Variants in TMC1 observed in about 807,000 individuals in gnomAD.
TMC1 encodes transmembrane channel-like protein 1.
TMC1 carries 84 observed loss-of-function variants against 105.8 expected under a neutral mutation model. The observed-to-expected ratio is 0.79, with a 90% CI of 0.67 to 0.95. TMC1 has a LOEUF of 0.95. Among genes scored for constraint, TMC1 ranks in the 40% least tolerant of loss-of-function variants. The pLI, the probability that TMC1 is intolerant of heterozygous loss-of-function variation, is 0.00. For synonymous variants in TMC1, 315 were observed against 311.5 expected, an observed-to-expected ratio of 1.01 and a Z score of -0.12; for missense variants, 817 against 914.1, an observed-to-expected ratio of 0.89 and a Z score of 1.37.
chr9:72,536,564 C>T (rs1485019196), intron 1 of TMC1, among the ~76,000 whole-genome samples: 3 of 152,172 alleles, frequency 2.0e-5, no homozygotes, highest in African/African-American at 7.2e-5. Flanking sequence ...GATCTCCTGA[C>T]CTCGTGATCC....
At chr9:72,827,109 C>T in intron 21 of TMC1, 115 bp downstream of exon 21, 1 of 1,340,560 alleles carries the variant, frequency 7.5e-7, no homozygotes, top group Non-Finnish European at 1.1e-6. Context: ...GTAACCTATC[C>T]AAATTCAACA....
At chr9:72,595,833 C>T (rs961332440) in intron 2 of TMC1, among the ~76,000 whole-genome samples, 10 of 149,704 alleles carry the variant, frequency 6.7e-5, no homozygotes, top group South Asian at 6.3e-4. Context: ...TGCACCACCA[C>T]GCTGGCTAAT....
At position 72,577,890 on chromosome 9, in the gene TMC1, AT is replaced by A. The variant is rs1283887432; in HGVS notation, c.-427-9del. The A allele has an allele frequency of 6.6e-6, 1 of 151,838 alleles. No homozygotes were observed. Among genetic ancestry groups the A allele is most frequent in the Non-Finnish European group, 1.5e-5 (1 of 67,954 alleles). 9.4% of individuals were successfully genotyped at this position (151,838 alleles called of 1,614,324 possible). A position where few individuals can be genotyped will look rare whatever the true frequency, so the allele number is the denominator to read the frequency against. On this transcript the variant is annotated splice_polypyrimidine_tract_variant and intron_variant, in intron 1 of 23. Coordinates refer to ENST00000297784, the MANE Select transcript of TMC1 (RefSeq NM_138691.3). Reference sequence around the variant, plus strand: ...ATTCTTTATTTATATTTATTTATTTATTTATTTTCAGATGGGATCTTACTCT... The same window carrying A: ...ATTCTTTATTTATATTTATTTATTTATTATTTTCAGATGGGATCTTACTCT...
chr9:72,780,206 A>G (rs1423873458), intron 13 of TMC1, among the ~76,000 whole-genome samples: 1 of 152,198 alleles, frequency 6.6e-6, no homozygotes, highest in Non-Finnish European at 1.5e-5. Context: ...CAGACATGCA[A>G]ATGCTAAAGG....
In TMC1 at chr9:72,624,397, A is replaced by AT. The variant is rs941050808; in HGVS notation, c.-195-3517dup. Among the ~76,000 whole-genome samples the AT allele has an allele frequency of 3.9e-5, 6 of 152,028 alleles. No homozygotes were observed. In the South Asian group the frequency reaches 1.2e-3, roughly 32 times the overall value. ...TATTTCCGTAGGGTTGTCCACATAC[A>AT]TTTTTTTCCCCACACCTTTTCTCTG... On this transcript the variant is annotated intron_variant, in intron 3 of 23. Transcript: ENST00000297784.
At chr9:72,607,002 T>TATATATAGAGAGAGAGAG (rs372785242) in intron 2 of TMC1, among the ~76,000 whole-genome samples, 1,349 of 134,818 alleles carry the variant, frequency 0.01, 8 homozygotes, top group Non-Finnish European at 0.013. Flanking sequence ...TATATATATA[T>TATATATAGAGAGAGAGAG]AGAGAGAGAG....
At chr9:72,823,124 A>T (rs566147022) in intron 20 of TMC1, among the ~76,000 whole-genome samples, 11 of 152,198 alleles carry the variant, frequency 7.2e-5, no homozygotes, top group Admixed American at 1.3e-4. Flanking sequence ...GAAATCAGGG[A>T]ATTTTAAATA....
chr9:72,557,842 G>C (rs372876778), intron 1 of TMC1, among the ~76,000 whole-genome samples: 5 of 152,184 alleles, frequency 3.3e-5, no homozygotes, highest in Admixed American at 1.3e-4. Context: ...AGGAAAAACA[G>C]CTGTTTAGTT....
chr9:72,731,847 CT>C (rs1827215894), intron 8 of TMC1, among the ~76,000 whole-genome samples: 1 of 152,172 alleles, frequency 6.6e-6, no homozygotes, highest in Non-Finnish European at 1.5e-5. Context: ...TGAATCCTCC[CT>C]TTGTTCAGGG....
At chr9:72,788,870 GA>G (rs1425480564) in intron 14 of TMC1, among the ~76,000 whole-genome samples, 1 of 151,840 alleles carries the variant, frequency 6.6e-6, no homozygotes, top group Non-Finnish European at 1.5e-5. Flanking sequence ...CTGGAATGAA[GA>G]TTTTTAGAGT....
chr9:72,760,472 T>C (rs1375437110), intron 12 of TMC1, among the ~76,000 whole-genome samples: 1 of 152,088 alleles, frequency 6.6e-6, no homozygotes, highest in Non-Finnish European at 1.5e-5. Context: ...AAAATGCCAT[T>C]ATTTAAGCTA....
chr9:72,656,042 T>C (rs1305252548), intron 5 of TMC1: 2 of 727,794 alleles, frequency 2.7e-6, no homozygotes, highest in Non-Finnish European at 5.1e-6. Context: ...ACTGGTCTTT[T>C]CACTTTGAGA....
chr9:72,648,451 C>G, intron 4 of TMC1, 146 bp from the exon 5 acceptor site: 2 of 632,948 alleles, frequency 3.2e-6, no homozygotes, highest in South Asian at 3.6e-5. Context: ...GCAAACTAAA[C>G]ATTCGTGAAA....
intron 12 of TMC1, among the ~76,000 whole-genome samples, chr9:72,756,648 A>G (rs979675164): frequency 2.0e-5 from 3 of 152,210 alleles, no homozygotes; most frequent in African/African-American, 7.2e-5. Context: ...AAGAACAAGG[A>G]CGAAGATCAC....
intron 8 of TMC1, among the ~76,000 whole-genome samples, chr9:72,714,056 G>T (rs1826880620): frequency 6.6e-6 from 1 of 152,172 alleles, no homozygotes. Context: ...AGGTTGTTCA[G>T]TTTCGATGTA....
chr9:72,670,650 G>C (rs901902946), intron 5 of TMC1, among the ~76,000 whole-genome samples: 6 of 152,078 alleles, frequency 3.9e-5, no homozygotes, highest in African/African-American at 1.4e-4. Flanking sequence ...GCCAACTCTA[G>C]CCATTACACA....
intron 1 of TMC1, among the ~76,000 whole-genome samples, chr9:72,524,476 T>C (rs1336335822): frequency 6.6e-6 from 1 of 152,184 alleles, no homozygotes; most frequent in African/African-American, 2.4e-5. Context: ...CACATTTTAA[T>C]AGAGACTAAT....
At position 72,830,494 on chromosome 9, in the gene TMC1, G is replaced by C. The variant is rs1047876956; in HGVS notation, c.2173G>C (p.Ala725Pro). ...CAATGCTACTGCCAAGGGCCAGAAGGCAGCGAATCTGGATCTCAAAAAGAA... is the reference window on the plus strand; with the variant it reads ...CAATGCTACTGCCAAGGGCCAGAAGCCAGCGAATCTGGATCTCAAAAAGAA... ...YLNATAKGQK[A>P]ANLDLKKKMK... The change falls in exon 22 of 24, where the codon GCA (alanine) becomes CCA (proline). Residue 725 changes from alanine (A) to proline (P), a missense_variant. Transcript: ENST00000297784. 6.2e-7 allele frequency: 1 copy of C among 1,613,534 alleles called. No individual in the cohort carries two copies. The highest frequency in any genetic ancestry group is 1.3e-5 in the African/African-American group (1 of 74,858).
At chr9:72,786,504 A>G (rs1053252503) in intron 13 of TMC1, among the ~76,000 whole-genome samples, 20 of 152,162 alleles carry the variant, frequency 1.3e-4, no homozygotes, top group Non-Finnish European at 2.2e-4. Context: ...AGGCAACAAC[A>G]TATATGCTAG....
Sources: gnomAD v4.1 joint callset for allele counts (sites outside exome capture counted in the v4.1 genomes callset) on GRCh38, gnomAD v4.1.1 for gene constraint, MANE v1.5 for transcripts, NCBI Gene and HGNC (gene_info 2026-07-23, HGNC 2026-07-21) for gene names.